The following ANKRD42 variants were observed in gnomAD, a reference collection of about 807,000 sequenced individuals.
ANKRD42 encodes ankyrin repeat domain-containing protein 42.
ANKRD42 carries 43 observed loss-of-function variants against 51.5 expected under a neutral mutation model. That is an observed-to-expected ratio of 0.83 (90% CI 0.65 to 1.08). The LOEUF (loss-of-function observed/expected upper bound fraction) is 1.08, where lower values mean the gene tolerates loss of function less well. Ranked by LOEUF, ANKRD42 falls within the 50% of genes least tolerant of loss-of-function variation. The pLI is 0.00. For missense variants in ANKRD42, 608 were observed against 629.3 expected (o/e 0.97, Z 0.36); for synonymous variants, 203 against 213.0 (o/e 0.95, Z 0.41).
At chr11:83,262,985 T>G (rs498013), downstream of ANKRD42, among the ~76,000 whole-genome samples, 26,009 of 152,138 alleles carry the variant, frequency 0.17, 2,962 homozygotes, top group Non-Finnish European at 0.25. Flanking sequence ...ATGAGATTGG[T>G]GGTATTATCC....
chr11:83,259,240 A>G (rs1485919804), downstream of ANKRD42: 1 of 152,170 alleles, frequency 6.6e-6, no homozygotes, highest in Non-Finnish European at 1.5e-5. Context: ...GAATAGAGGT[A>G]TAGTTTTAAG....
chr11:83,242,740 A>C (rs1048369157), intron 9 of ANKRD42, among the ~76,000 whole-genome samples: 2 of 151,682 alleles, frequency 1.3e-5, no homozygotes, highest in African/African-American at 4.8e-5. Flanking sequence ...TAATGTTTGA[A>C]TTTTTAGTAG....
rs751759449 is a variant in ANKRD42, at chr11:83,198,643, G to T, written c.222+1G>T. On this transcript the variant is annotated splice_donor_variant, in intron 2 of 10. Coordinates refer to ENST00000533342, the MANE Select transcript of ANKRD42 (RefSeq NM_001300975.2). LOFTEE classifies it high-confidence loss of function. Reference sequence around the variant, plus strand: ...GGCAGCACATTCTGGAAGTTTGGAGGTAAGAAACTATACATATCACTAAAC... The same window carrying T: ...GGCAGCACATTCTGGAAGTTTGGAGTTAAGAAACTATACATATCACTAAAC... 20 of 1,579,726 alleles carry T rather than the reference G, an allele frequency of 1.3e-5. No individual in the cohort carries two copies. The Middle Eastern group carries it at 5.0e-4, about 39-fold the overall frequency.
chr11:83,211,532 T>G, intron 5 of ANKRD42, 102 bp downstream of exon 5: 1 of 1,319,432 alleles, frequency 7.6e-7, no homozygotes, highest in East Asian at 2.5e-5. Context: ...CGTGGTGGCT[T>G]ACATCTGTAA....
At chr11:83,197,657 A>T (rs139286461) in intron 1 of ANKRD42, among the ~76,000 whole-genome samples, 64 of 152,068 alleles carry the variant, frequency 4.2e-4, no homozygotes, top group African/African-American at 1.5e-3. Flanking sequence ...TGAACTGCTT[A>T]CTCCTTCATT....
downstream of ANKRD42, chr11:83,259,599 G>C (rs956129797): frequency 3.3e-5 from 5 of 152,160 alleles, no homozygotes; most frequent in Non-Finnish European, 7.3e-5. Flanking sequence ...GATGAAGAAT[G>C]AATAAACTAA....
chr11:83,217,333 A>G (rs1862571978), intron 5 of ANKRD42, among the ~76,000 whole-genome samples: 1 of 152,212 alleles, frequency 6.6e-6, no homozygotes, highest in Non-Finnish European at 1.5e-5. Flanking sequence ...TAATAGCCCC[A>G]GCTTTGGCTA....
intron 4 of ANKRD42, among the ~76,000 whole-genome samples, chr11:83,210,772 TCTTA>T (rs1862284305): frequency 6.6e-6 from 1 of 152,372 alleles, no homozygotes; most frequent in African/African-American, 2.4e-5. Flanking sequence ...GTTTTGAAAC[TCTTA>T]CTTCATATAG....
At chr11:83,199,993 G>C (rs1861806297) in intron 2 of ANKRD42, among the ~76,000 whole-genome samples, 1 of 151,984 alleles carries the variant, frequency 6.6e-6, no homozygotes, top group Non-Finnish European at 1.5e-5. Flanking sequence ...ATTCCTATTT[G>C]TTCTGCACTT....
chr11:83,240,029 G>A (rs1478008403), intron 8 of ANKRD42, among the ~76,000 whole-genome samples: 1 of 152,196 alleles, frequency 6.6e-6, no homozygotes, highest in Non-Finnish European at 1.5e-5. Context: ...TAATGTGTGT[G>A]TTTGGTTATG....
intron 8 of ANKRD42, 114 bp downstream of exon 8, chr11:83,236,623 T>C (rs1197968451): frequency 1.4e-6 from 1 of 718,036 alleles, no homozygotes; most frequent in Non-Finnish European, 2.2e-6. Flanking sequence ...CTCAATCAAA[T>C]ACAGATGGAA....
Position 83,248,475 on chromosome 11 carries a change from T to C in ANKRD42, c.*271T>C. The stretch of plus-strand genomic sequence containing the variant: ...GTTTTCATAAGTAATCAATCAGAAT[T>C]CTAAGACAGCTAGAGGATATGTATA... On this transcript the variant is annotated 3_prime_UTR_variant, in exon 11 of 11. Coordinates refer to ENST00000533342, the MANE Select transcript of ANKRD42 (RefSeq NM_001300975.2). The C allele has an allele frequency of 2.7e-6, 3 of 1,122,328 alleles. No individual in the cohort carries two copies. The highest frequency in any genetic ancestry group is 3.3e-6 in the Non-Finnish European group (3 of 919,172). 69.5% of individuals were successfully genotyped at this position (1,122,328 alleles called of 1,614,324 possible).
intron 11 of ANKRD42, chr11:83,255,745 G>A (rs981031007): frequency 1.2e-6 from 1 of 817,006 alleles, no homozygotes; most frequent in Non-Finnish European, 1.8e-6. Context: ...GAAAATACTA[G>A]CATGGTTAAT....
Position 83,224,908 on chromosome 11 carries a change from A to G in ANKRD42, c.640A>G (p.Arg214Gly). ...TCACTGTTTCAAATTCCTAGTCAGT[A>G]GAATGAGCAGTGCGACGCAAGTTTT... ...HLHCFKFLVS[R>G]MSSATQVLKA... is the part of the protein sequence containing the mutation. The change falls in exon 6 of 11, where the codon AGA becomes GGA. Residue 214 changes from arginine (R) to glycine (G), a missense_variant. Arg to Gly is a moderately radical substitution (Grantham distance 125, BLOSUM62 -2). Transcript: ENST00000533342. The G allele has an allele frequency of 1.2e-6, 2 of 1,611,200 alleles. No individual in the cohort carries two copies. Among genetic ancestry groups the G allele is most frequent in the Admixed American group, 3.3e-5 (2 of 59,944 alleles).
At chr11:83,225,687 G>A (rs1343322181) in intron 6 of ANKRD42, among the ~76,000 whole-genome samples, 2 of 150,686 alleles carry the variant, frequency 1.3e-5, no homozygotes, top group Non-Finnish European at 2.9e-5. Flanking sequence ...GGTTCAGGCA[G>A]GAGAATCACC....
intron 7 of ANKRD42, among the ~76,000 whole-genome samples, chr11:83,234,258 T>C (rs1190818532): frequency 6.6e-6 from 1 of 152,166 alleles, no homozygotes; most frequent in Non-Finnish European, 1.5e-5. Flanking sequence ...GACATCTGTT[T>C]ATAATTTAAT....
At chr11:83,260,891 T>C (rs1178034108), downstream of ANKRD42, 4 of 152,320 alleles carry the variant, frequency 2.6e-5, no homozygotes, top group East Asian at 5.8e-4. Context: ...TAGATATCAA[T>C]GTTTGCTGAA....
rs371144135 is a variant in ANKRD42 at position 83,194,762 on chromosome 11, C to T, written c.58+34C>T. On this transcript the variant is annotated intron_variant, in intron 1 of 10. Coordinates refer to ENST00000533342, the MANE Select transcript of ANKRD42 (RefSeq NM_001300975.2). Reference sequence around the variant, plus strand: ...GACTGTCATTGGCCTTCATCTCTGTCGTATTCCTTTTCTCACTTAAGCCCG... The same window carrying T: ...GACTGTCATTGGCCTTCATCTCTGTTGTATTCCTTTTCTCACTTAAGCCCG... 59 of 1,536,092 alleles carry T rather than the reference C, an allele frequency of 3.8e-5. 1 individual carries two copies. The African/African-American group carries it at 6.2e-4, about 16-fold the overall frequency.
chr11:83,229,923 G>A (rs1863016815), intron 7 of ANKRD42, among the ~76,000 whole-genome samples: 1 of 152,098 alleles, frequency 6.6e-6, no homozygotes, highest in Non-Finnish European at 1.5e-5. Context: ...TACAGACATG[G>A]AATGTGAAAT....
Sources: allele counts gnomAD v4.1 joint callset (sites outside exome capture counted in the v4.1 genomes callset), GRCh38; gene constraint gnomAD v4.1.1; transcripts MANE v1.5; gene names NCBI Gene and HGNC (gene_info 2026-07-23, HGNC 2026-07-21).